ACTN1: variants seen among roughly 807,000 people sequenced by gnomAD.
The protein encoded by ACTN1 is actinin alpha 1.
A neutral mutation model predicts 119.6 loss-of-function variants in ACTN1; 30 were observed. The ratio of observed to expected loss-of-function variants is 0.25; its 90% CI spans 0.19 to 0.34. ACTN1 has a LOEUF of 0.34. ACTN1 is among the 10% of genes least tolerant of loss of function. The pLI is 1.00. For missense variants in ACTN1, 764 were observed against 1,223.4 expected, an observed-to-expected ratio of 0.62 and a Z score of 5.60; for synonymous variants, 429 against 472.6, an observed-to-expected ratio of 0.91 and a Z score of 1.20.
intron 1 of ACTN1, among the ~76,000 whole-genome samples, chr14:68,968,522 T>C (rs368845024): frequency 6.0e-4 from 92 of 152,288 alleles, no homozygotes; most frequent in African/African-American, 2.1e-3. Flanking sequence ...GACAGCTATA[T>C]AGGCAAGAAA....
At chr14:68,888,253 C>G (rs986474935) in intron 11 of ACTN1, 29 of 360,558 alleles carry the variant, frequency 8.0e-5, no homozygotes, top group African/African-American at 5.8e-4. Flanking sequence ...ATTGGTAGAA[C>G]TGAATACATG....
At chr14:68,962,965 C>T (rs2036587625) in intron 1 of ACTN1, among the ~76,000 whole-genome samples, 1 of 152,230 alleles carries the variant, frequency 6.6e-6, no homozygotes, top group Admixed American at 6.5e-5. Context: ...CTCACTGATT[C>T]ACCAGTCCTC....
intron 1 of ACTN1, among the ~76,000 whole-genome samples, chr14:68,934,690 TAGAA>T (rs1023532693): frequency 6.6e-6 from 1 of 152,292 alleles, no homozygotes; most frequent in African/African-American, 2.4e-5. Flanking sequence ...AGAGAAAAAT[TAGAA>T]AGAGACAGAA....
At chr14:68,959,293 G>C (rs2140592569) in intron 1 of ACTN1, among the ~76,000 whole-genome samples, 1 of 152,284 alleles carries the variant, frequency 6.6e-6, no homozygotes, top group South Asian at 2.1e-4. Flanking sequence ...CTTCCTACAA[G>C]TGTGATTTAA....
At chr14:68,944,738 G>T (rs1566662785) in intron 1 of ACTN1, among the ~76,000 whole-genome samples, 1 of 152,122 alleles carries the variant, frequency 6.6e-6, no homozygotes, top group South Asian at 2.1e-4. Context: ...AGTATTAGAT[G>T]AAAAGTTCGT....
intron 1 of ACTN1, among the ~76,000 whole-genome samples, chr14:68,928,196 G>C (rs1169158834): frequency 6.6e-6 from 1 of 151,986 alleles, no homozygotes; most frequent in African/African-American, 2.4e-5. Context: ...GGAGGAAGAG[G>C]CTGCTGTCGT....
Position 68,965,365 on chromosome 14 carries a change from C to T in ACTN1, c.105+13587G>A, listed in dbSNP as rs118157214. ...GAAAGACAAGGCCACCTATTGACAC[C>T]AGTCCCTTGGGCAGATTCCAGGCTG... is the stretch of plus-strand genomic sequence containing the variant. On this transcript the variant is annotated intron_variant, in intron 1 of 21. Transcript: ENST00000394419. Among the ~76,000 whole-genome samples, 23 of 152,322 alleles carry T rather than the reference C, an allele frequency of 1.5e-4. 1 individual carries two copies. The East Asian group carries it at 3.5e-3, about 23-fold the overall frequency.
intron 3 of ACTN1, among the ~76,000 whole-genome samples, chr14:68,914,730 C>T (rs548791644): frequency 3.3e-5 from 5 of 152,186 alleles, no homozygotes; most frequent in African/African-American, 9.6e-5. Context: ...GTGATATCAC[C>T]GCTGCACTCC....
intron 1 of ACTN1, among the ~76,000 whole-genome samples, chr14:68,967,783 G>A (rs2036752214): frequency 6.6e-6 from 1 of 152,246 alleles, no homozygotes. Flanking sequence ...GCCTAGGAAT[G>A]GTCCTGGCGG....
intron 8 of ACTN1, among the ~76,000 whole-genome samples, chr14:68,898,538 C>T (rs761900): frequency 0.77 from 117,278 of 152,078 alleles, 46,585 homozygotes; most frequent in East Asian, 1. Flanking sequence ...TTTTGGAAGA[C>T]TTTCCTCATC....
chr14:68,892,587 G>A (rs1220695376), intron 9 of ACTN1, among the ~76,000 whole-genome samples: 1 of 152,200 alleles, frequency 6.6e-6, no homozygotes, highest in Non-Finnish European at 1.5e-5. Context: ...GCAACTAAAA[G>A]GCAGGAAGGA....
Position 68,879,046 on chromosome 14 carries a change from G to A in ACTN1, c.2304C>T (p.Pro768=), listed in dbSNP as rs768216429. The part of the protein sequence containing the change: ...FDRDHSGTLG[P]EEFKACLISL... Reference sequence around the variant, plus strand: ...TGATGAGGCAGGCTTTGAACTCCTCGGGACCCAGTGTGCCGGAGTGATCCT... The same window carrying A: ...TGATGAGGCAGGCTTTGAACTCCTCAGGACCCAGTGTGCCGGAGTGATCCT... Residue 768 remains proline (P), a synonymous_variant, in exon 19 of 22, where the codon CCC becomes CCT. Transcript: ENST00000394419. This position sits in a 1 kb window ranked among gnomAD's most constrained non-coding sequence, Gnocchi z 4.9. The A allele has an allele frequency of 3.6e-5, 58 of 1,612,468 alleles. No homozygotes were observed. In the Admixed American group the frequency reaches 7.3e-4, roughly 20 times the overall value.
intron 8 of ACTN1, among the ~76,000 whole-genome samples, chr14:68,896,914 T>C (rs2032920525): frequency 6.6e-6 from 1 of 152,240 alleles, no homozygotes; most frequent in Non-Finnish European, 1.5e-5. Context: ...TGCTTCCAAG[T>C]GCCAAAGGAG....
rs1033981633 is a variant in ACTN1 at position 68,892,380 on chromosome 14, G to C, written c.856-97C>G. The C allele has an allele frequency of 4.7e-6, 6 of 1,286,938 alleles. No individual in the cohort carries two copies. In the Admixed American group the frequency reaches 1.3e-4, roughly 27 times the overall value. 79.7% of individuals were successfully genotyped at this position (1,286,938 alleles called of 1,614,324 possible). On this transcript the variant is annotated intron_variant, in intron 9 of 21. Transcript: ENST00000394419. ...TCCTCCCAACAGCCCTCCCACATGG[G>C]GAAGGGGTCTCTCCTAATAGCACAC... is the stretch of plus-strand genomic sequence containing the variant.
chr14:68,906,208 G>A (rs1448191932), intron 6 of ACTN1, among the ~76,000 whole-genome samples: 1 of 152,144 alleles, frequency 6.6e-6, no homozygotes, highest in Non-Finnish European at 1.5e-5. Context: ...AACAGTAAGT[G>A]TATTTAAAAA....
At chr14:68,928,488 C>G (rs1419273294) in intron 1 of ACTN1, among the ~76,000 whole-genome samples, 1 of 152,094 alleles carries the variant, frequency 6.6e-6, no homozygotes, top group East Asian at 1.9e-4. Context: ...GTGGCTGTGA[C>G]CCGGTGATCA....
Position 68,879,590 on chromosome 14 carries a change from C to CGGGGTA in ACTN1, c.2280+366_2280+371dup, listed in dbSNP as rs1319190585. ...CAGAGTCCCAGAGGCCACTGGAGGT[C>CGGGGTA]GGGGTAGGGGTAGGGGCCAGCGAGG... On this transcript the variant is annotated intron_variant, in intron 18 of 21. Coordinates refer to ENST00000394419, the MANE Select transcript of ACTN1 (RefSeq NM_001130004.2). The surrounding 1 kb of genome is among the most constrained non-coding windows in gnomAD (Gnocchi z 4.9). Among the ~76,000 whole-genome samples, 4 of 152,066 alleles carry CGGGGTA rather than the reference C, an allele frequency of 2.6e-5. No individual in the cohort carries two copies. Among genetic ancestry groups the CGGGGTA allele is most frequent in the African/African-American group, 7.2e-5 (3 of 41,414 alleles).
In ACTN1 at chr14:68,878,820, CAGAGGGT is replaced by C. The variant is rs1172809052; in HGVS notation, c.2361+162_2361+168del. The C allele has an allele frequency of 1.3e-6, 2 of 1,592,056 alleles. No individual in the cohort carries two copies. The highest frequency in any genetic ancestry group is 2.7e-5 in the African/African-American group (2 of 74,576). On this transcript the variant is annotated intron_variant, in intron 19 of 21. Coordinates refer to ENST00000394419, the MANE Select transcript of ACTN1 (RefSeq NM_001130004.2). This position sits in a 1 kb window ranked among gnomAD's most constrained non-coding sequence, Gnocchi z 4.4. ...GGTTGCCATGAAAGACAGCAGAGGG[CAGAGGGT>C]GGACCAGTGATGGGGCAGACAGAGA...
intron 1 of ACTN1, among the ~76,000 whole-genome samples, chr14:68,968,123 A>G (rs1291281052): frequency 6.6e-6 from 1 of 152,234 alleles, no homozygotes; most frequent in African/African-American, 2.4e-5. Flanking sequence ...CCAGGGACCC[A>G]TAGGTACGGA....
Sources: allele counts gnomAD v4.1 joint callset (sites outside exome capture counted in the v4.1 genomes callset), GRCh38; gene constraint gnomAD v4.1.1; non-coding constraint Gnocchi (gnomAD v3.1); transcripts MANE v1.5; gene names NCBI Gene and HGNC (gene_info 2026-07-23, HGNC 2026-07-21).